The following PLGRKT variants were observed in gnomAD, a reference collection of about 807,000 sequenced individuals.
PLGRKT encodes plasminogen receptor (KT).
Under a neutral mutation model 18.5 loss-of-function variants are expected in PLGRKT, and 22 were observed. That is an observed-to-expected ratio of 1.19 (90% CI 0.85 to 1.70). PLGRKT has a LOEUF of 1.70. Among genes scored for constraint, PLGRKT ranks in the 40% most tolerant of loss-of-function variants. The pLI is 0.00. For missense variants in PLGRKT, 235 were observed against 174.4 expected (o/e 1.35, Z -1.96); for synonymous variants, 72 against 52.8 (o/e 1.36, Z -1.58).
In PLGRKT at chr9:5,358,261, C is replaced by G. The variant is rs199786557; in HGVS notation, c.422G>C (p.Ser141Thr). 5.0e-6 allele frequency: 8 copies of G among 1,610,040 alleles called. No individual in the cohort carries two copies. The highest frequency in any genetic ancestry group is 6.8e-6 in the Non-Finnish European group (8 of 1,176,540). ...ESIEKARKEQ[S>T]RFFIDK The stretch of plus-strand genomic sequence containing the variant: ...ATTTCATTTGTCTATGAAGAATCTA[C>G]TCTGTTCCTTTCTGGCTTTTTCAAT... Residue 141 changes from serine (S) to threonine (T), a missense_variant, in exon 6 of 6, where the codon AGT becomes ACT. Coordinates refer to ENST00000223864, the MANE Select transcript of PLGRKT (RefSeq NM_018465.4).
At chr9:5,403,773 T>C (rs1381396660) in intron 3 of PLGRKT, among the ~76,000 whole-genome samples, 4 of 152,200 alleles carry the variant, frequency 2.6e-5, no homozygotes, top group Admixed American at 2.6e-4. Flanking sequence ...TGGTTACAGA[T>C]AAATCAACCC....
intron 3 of PLGRKT, chr9:5,392,434 T>C (rs560663658): frequency 1.3e-5 from 2 of 152,134 alleles, no homozygotes; most frequent in East Asian, 3.8e-4. Context: ...GCAATTATAA[T>C]ACAGTTATTC....
chr9:5,431,961 G>T lies in PLGRKT; in HGVS notation c.17C>A (p.Ser6Ter). Residue 6 changes from serine (S) to a stop codon, truncating the protein, a stop_gained, in exon 3 of 6, where the codon TCA becomes TAA. Transcript: ENST00000223864. LOFTEE classifies it high-confidence loss of function. ...TTTCATGCTTTCATTCATAGATTTTGAAAATATAAACCCCATTTTGACCTA... is the reference window on the plus strand; with the variant it reads ...TTTCATGCTTTCATTCATAGATTTTTAAAATATAAACCCCATTTTGACCTA... MGFIF[S>*]KSMNESMKNQ... 6.6e-7 allele frequency: 1 copy of T among 1,522,754 alleles called. No individual in the cohort carries two copies. The highest frequency in any genetic ancestry group is 9.1e-7 in the Non-Finnish European group (1 of 1,098,564). 94.3% of individuals were successfully genotyped at this position (1,522,754 alleles called of 1,614,324 possible).
chr9:5,359,151 C>T (rs961256536), intron 5 of PLGRKT, among the ~76,000 whole-genome samples: 1 of 151,686 alleles, frequency 6.6e-6, no homozygotes, highest in Non-Finnish European at 1.5e-5. Context: ...CAGCCTCTGT[C>T]TCCTGGGTTC....
chr9:5,423,012 C>T (rs1023578628), intron 3 of PLGRKT, among the ~76,000 whole-genome samples: 2 of 152,154 alleles, frequency 1.3e-5, no homozygotes, highest in Non-Finnish European at 2.9e-5. Context: ...TTTTTATCAT[C>T]ATGCATATAT....
chr9:5,434,579 G>GGGA (rs1284274992), intron 2 of PLGRKT, among the ~76,000 whole-genome samples: 1 of 144,436 alleles, frequency 6.9e-6, no homozygotes, highest in African/African-American at 2.6e-5. Context: ...CTGGGAAGTG[G>GGGA]GCGCCTCTGC....
chr9:5,381,952 G>C (rs1217317465), intron 3 of PLGRKT: 22 of 985,046 alleles, frequency 2.2e-5, no homozygotes, highest in Non-Finnish European at 2.7e-5. Flanking sequence ...CTCCATGCCT[G>C]AGCCAGCTCT....
At chr9:5,392,899 T>C (rs749236272) in intron 3 of PLGRKT, among the ~76,000 whole-genome samples, 1 of 151,822 alleles carries the variant, frequency 6.6e-6, no homozygotes, top group Non-Finnish European at 1.5e-5. Flanking sequence ...TGGAGTGCAG[T>C]GGTGCAGTCT....
chr9:5,374,376 C>T (rs1337556011), intron 3 of PLGRKT, among the ~76,000 whole-genome samples: 1 of 152,180 alleles, frequency 6.6e-6, no homozygotes, highest in Non-Finnish European at 1.5e-5. Flanking sequence ...TCTGGTGTTG[C>T]TTTCCTGCTT....
chr9:5,389,785 A>G (rs1586719468), intron 3 of PLGRKT, among the ~76,000 whole-genome samples: 2 of 151,922 alleles, frequency 1.3e-5, no homozygotes, highest in East Asian at 1.9e-4. Context: ...ATTCTCCCTA[A>G]TGACCGAAGG....
At chr9:5,431,531 C>CAAA (rs1191361436) in intron 3 of PLGRKT, among the ~76,000 whole-genome samples, 38 of 76,996 alleles carry the variant, frequency 4.9e-4, no homozygotes, top group African/African-American at 6.2e-4. Flanking sequence ...GAGACTCTCT[C>CAAA]AAAAAAAAAA....
chr9:5,372,363 T>C (rs928605262), intron 3 of PLGRKT, among the ~76,000 whole-genome samples: 1 of 152,176 alleles, frequency 6.6e-6, no homozygotes, highest in African/African-American at 2.4e-5. Context: ...CATATTCTAA[T>C]ATGCCTAATC....
In PLGRKT at chr9:5,418,724, C is replaced by G; in HGVS notation, c.81+13173G>C. The G allele has an allele frequency of 1.5e-6, 1 of 671,508 alleles. No individual in the cohort carries two copies. The highest frequency in any genetic ancestry group is 2.7e-6 in the Non-Finnish European group (1 of 364,292). 41.6% of individuals were successfully genotyped at this position (671,508 alleles called of 1,614,324 possible). ...AGTCTGATGAAGACCGGCATGTGCT[C>G]CGAAGCGTGTGGAATGGTGATGACA... is the stretch of plus-strand genomic sequence containing the variant. On this transcript the variant is annotated intron_variant, in intron 3 of 5. Transcript: ENST00000223864. The surrounding 1 kb of genome is among the most constrained non-coding windows in gnomAD (Gnocchi z 4.2).
chr9:5,383,975 C>A (rs1411672417), intron 3 of PLGRKT, among the ~76,000 whole-genome samples: 2 of 152,144 alleles, frequency 1.3e-5, no homozygotes, highest in African/African-American at 2.4e-5. Context: ...ATTTGCGGGG[C>A]CTGGGAAACA....
intron 3 of PLGRKT, among the ~76,000 whole-genome samples, chr9:5,430,295 C>G (rs1818795902): frequency 6.6e-6 from 1 of 152,180 alleles, no homozygotes; most frequent in South Asian, 2.1e-4. Flanking sequence ...GAGTAAAAAC[C>G]CTGTAGTTTC....
chr9:5,366,302 C>T (rs1249053577), intron 3 of PLGRKT, among the ~76,000 whole-genome samples: 1 of 152,104 alleles, frequency 6.6e-6, no homozygotes, highest in African/African-American at 2.4e-5. Context: ...AAAAGCAAAA[C>T]AGAACATGTG....
rs552070458 is a variant in PLGRKT at position 5,393,942 on chromosome 9, T to A, written c.82-32054A>T. 6.1e-4 allele frequency among the ~76,000 whole-genome samples: 93 copies of A among 151,994 alleles called. 2 individuals carry two copies. Among genetic ancestry groups the A allele is most frequent in the African/African-American group, 2.1e-3 (86 of 41,286 alleles). On this transcript the variant is annotated intron_variant, in intron 3 of 5. Transcript: ENST00000223864. ...AACACTAAAAACTATACCCAGATTT[T>A]TGACCATCTGGGAAGAAAAGCCTCT...
At chr9:5,425,308 G>A (rs1315472313) in intron 3 of PLGRKT, among the ~76,000 whole-genome samples, 1 of 152,208 alleles carries the variant, frequency 6.6e-6, no homozygotes, top group African/African-American at 2.4e-5. Context: ...CCTAACACAG[G>A]CTAGAAAGAA....
intron 3 of PLGRKT, among the ~76,000 whole-genome samples, chr9:5,371,890 AAT>A (rs1272973016): frequency 6.6e-6 from 1 of 151,916 alleles, no homozygotes; most frequent in Non-Finnish European, 1.5e-5. Context: ...TCTATTCTAC[AAT>A]ACTTAGGATA....
Sources: gnomAD v4.1 joint callset for allele counts (sites outside exome capture counted in the v4.1 genomes callset) on GRCh38, gnomAD v4.1.1 for gene constraint, Gnocchi (gnomAD v3.1) non-coding constraint, MANE v1.5 for transcripts, NCBI Gene and HGNC (gene_info 2026-07-23, HGNC 2026-07-21) for gene names.